LYN: variants seen among roughly 807,000 people sequenced by gnomAD.
LYN encodes the protein tyrosine-protein kinase Lyn.
A neutral mutation model predicts 65.0 loss-of-function variants in LYN; 12 were observed. The ratio of observed to expected loss-of-function variants is 0.18; its 90% confidence interval spans 0.12 to 0.30. LYN has a LOEUF of 0.30. LYN is among the 10% of genes least tolerant of loss of function. The pLI, the probability that LYN is intolerant of heterozygous loss-of-function variation, is 1.00. For missense variants in LYN, 380 were observed against 623.2 expected, an observed-to-expected ratio of 0.61 and a Z score of 4.16; for synonymous variants, 222 against 221.2, an observed-to-expected ratio of 1.00 and a Z score of -0.03.
rs143716610 is a variant in LYN at position 56,013,957 on chromosome 8, C to T, written c.*3847C>T. 2 of 152,294 alleles carry T rather than the reference C, an allele frequency of 1.3e-5. No individual in the cohort carries two copies. The highest frequency in any genetic ancestry group is 3.9e-4 in the East Asian group (2 of 5,194). 9.4% of individuals were successfully genotyped at this position (152,294 alleles called of 1,614,324 possible). A position where few individuals can be genotyped will look rare whatever the true frequency, so the allele number is the denominator to read the frequency against. On this transcript the variant is annotated 3_prime_UTR_variant, in exon 13 of 13. Transcript: ENST00000519728. Reference sequence around the variant, plus strand: ...GATGGAAATGGTAATTATAAACATACAAAGATACCCATACACACATTCTTT... The same window carrying T: ...GATGGAAATGGTAATTATAAACATATAAAGATACCCATACACACATTCTTT...
chr8:55,977,751 CAAAAAAA>C (rs35305537), intron 10 of LYN, among the ~76,000 whole-genome samples: 26 of 117,614 alleles, frequency 2.2e-4, no homozygotes, highest in Middle Eastern at 8.5e-3. Flanking sequence ...CTATCTCTAC[CAAAAAAA>C]AAAAAAAAAA....
chr8:55,988,892 C>T (rs756456343), intron 10 of LYN, among the ~76,000 whole-genome samples: 66 of 150,522 alleles, frequency 4.4e-4, no homozygotes, highest in Non-Finnish European at 9.0e-4. Context: ...AAAAAAAAAA[C>T]CCAAAAAACA....
intron 8 of LYN, among the ~76,000 whole-genome samples, chr8:55,960,872 AAG>A (rs1185655570): frequency 6.6e-6 from 1 of 152,170 alleles, no homozygotes; most frequent in Non-Finnish European, 1.5e-5. Context: ...GGATAAAAGA[AAG>A]AGGTGTCTCT....
intron 1 of LYN, among the ~76,000 whole-genome samples, chr8:55,912,242 A>G (rs183425202): frequency 3.4e-4 from 52 of 152,362 alleles, no homozygotes; most frequent in Non-Finnish European, 6.3e-4. Context: ...GCAATGTATC[A>G]TTAAGGATGC....
At chr8:55,942,057 A>C in intron 2 of LYN, 66 bp downstream of exon 2, 1 of 1,548,474 alleles carries the variant, frequency 6.5e-7, no homozygotes, top group Non-Finnish European at 8.8e-7. Flanking sequence ...TAATTTAAAC[A>C]CCAGTCTGTA....
At chr8:55,958,991 A>G (rs1037977282) in intron 8 of LYN, among the ~76,000 whole-genome samples, 1 of 152,178 alleles carries the variant, frequency 6.6e-6, no homozygotes, top group Admixed American at 6.5e-5. Flanking sequence ...GAATGGCTGG[A>G]TCCTGTAATT....
chr8:56,007,497 G>T (rs1808703716), intron 12 of LYN, among the ~76,000 whole-genome samples: 1 of 152,206 alleles, frequency 6.6e-6, no homozygotes, highest in Admixed American at 6.5e-5. Context: ...CAGGAAAATG[G>T]ATTTGCTGTA....
chr8:55,977,182 T>C (rs151316186), intron 10 of LYN, among the ~76,000 whole-genome samples: 2,889 of 151,704 alleles, frequency 0.019, 93 homozygotes, highest in African/African-American at 0.067. Flanking sequence ...CAAGACTCTG[T>C]CTCAAAAAAA....
chr8:56,013,059 G>A lies in LYN; in HGVS notation c.*2949G>A, dbSNP rs1808858600. 6.6e-6 allele frequency: 1 copy of A among 152,268 alleles called. No individual in the cohort carries two copies. The highest frequency in any genetic ancestry group is 1.5e-5 in the Non-Finnish European group (1 of 68,102). The allele number at this position is 152,268 out of a possible 1,614,324, so 9.4% of individuals were successfully genotyped here. Reference sequence around the variant, plus strand: ...GAAAGTACTTCTGATGAGCCACTGGGAACGTGTACTGTCCAAGCCCCCTTC... The same window carrying A: ...GAAAGTACTTCTGATGAGCCACTGGAAACGTGTACTGTCCAAGCCCCCTTC... On this transcript the variant is annotated 3_prime_UTR_variant, in exon 13 of 13. Transcript: ENST00000519728.
At chr8:55,945,442 G>A (rs910684399) in intron 2 of LYN, among the ~76,000 whole-genome samples, 3 of 152,156 alleles carry the variant, frequency 2.0e-5, no homozygotes, top group Non-Finnish European at 4.4e-5. Flanking sequence ...GGTTTTTCTG[G>A]TACTACAATG....
chr8:55,974,364 C>T (rs538698145), intron 10 of LYN, among the ~76,000 whole-genome samples: 24 of 152,272 alleles, frequency 1.6e-4, no homozygotes, highest in Non-Finnish European at 3.1e-4. Flanking sequence ...AGGTTATGCT[C>T]AAGGTATATT....
rs1372236427 is a variant in LYN, at chr8:55,880,118, C to T, written c.-6+15C>T. 1 of 261,562 alleles carries T rather than the reference C, an allele frequency of 3.8e-6. No individual in the cohort carries two copies. The highest frequency in any genetic ancestry group is 7.6e-6 in the Non-Finnish European group (1 of 131,310). 16.2% of individuals were successfully genotyped at this position (261,562 alleles called of 1,614,324 possible). A position where few individuals can be genotyped will look rare whatever the true frequency, so the allele number is the denominator to read the frequency against. ...ACCGCGAGCGGGTGAGTCCTCTGCG[C>T]GAGCCCAGGGGTGGGCGCGGGCACG... On this transcript the variant is annotated intron_variant, in intron 1 of 12. Transcript: ENST00000519728.
chr8:55,928,043 G>C (rs1269926024), intron 1 of LYN, among the ~76,000 whole-genome samples: 1 of 152,180 alleles, frequency 6.6e-6, no homozygotes, highest in African/African-American at 2.4e-5. Context: ...ATGAATTGGA[G>C]TATCTGTTGC....
chr8:56,005,710 G>C (rs1808654150), intron 12 of LYN, among the ~76,000 whole-genome samples: 2 of 152,176 alleles, frequency 1.3e-5, no homozygotes, highest in African/African-American at 4.8e-5. Flanking sequence ...AAAATAGTGA[G>C]GAGGAGGCAA....
chr8:56,003,550 C>T (rs2130593059), intron 12 of LYN, among the ~76,000 whole-genome samples: 1 of 152,084 alleles, frequency 6.6e-6, no homozygotes, highest in East Asian at 1.9e-4. Flanking sequence ...CGCCTGTAAT[C>T]CTAGCTACTT....
chr8:55,955,486 G>T (rs1329183125), intron 8 of LYN, among the ~76,000 whole-genome samples: 1 of 152,098 alleles, frequency 6.6e-6, no homozygotes, highest in Admixed American at 6.6e-5. Flanking sequence ...ACACTCTGTT[G>T]TCTTCCTCCT....
intron 8 of LYN, among the ~76,000 whole-genome samples, chr8:55,956,957 CACTT>C (rs1807136022): frequency 6.6e-6 from 1 of 152,212 alleles, no homozygotes; most frequent in Non-Finnish European, 1.5e-5. Flanking sequence ...TTGACATTCT[CACTT>C]ACTCATTGCT....
At chr8:55,901,503 T>C (rs1805262043) in intron 1 of LYN, among the ~76,000 whole-genome samples, 1 of 152,224 alleles carries the variant, frequency 6.6e-6, no homozygotes, top group Admixed American at 6.5e-5. Flanking sequence ...ACCTGTGGCC[T>C]CCCTGGAACT....
chr8:56,004,294 CTTT>C (rs377562431), intron 12 of LYN, among the ~76,000 whole-genome samples: 10 of 125,222 alleles, frequency 8.0e-5, no homozygotes, highest in East Asian at 2.2e-4. Flanking sequence ...GAAAGACTTC[CTTT>C]TTTTTTTTTT....
Sources: allele counts gnomAD v4.1 joint callset (sites outside exome capture counted in the v4.1 genomes callset), GRCh38; gene constraint gnomAD v4.1.1; transcripts MANE v1.5; gene names NCBI Gene and HGNC (gene_info 2026-07-23, HGNC 2026-07-21).